The following ATG10 variants were observed in gnomAD, a reference collection of about 807,000 sequenced individuals.
The protein encoded by ATG10 is autophagy related 10.
ATG10 carries 30 observed loss-of-function variants against 32.1 expected under a neutral mutation model. That is an observed-to-expected ratio of 0.94 (90% confidence interval 0.70 to 1.27). ATG10 has a LOEUF of 1.27. Ranked by LOEUF, ATG10 falls within the 50% of genes most tolerant of loss-of-function variation. ATG10 has a pLI of 0.00. For missense variants in ATG10, 233 were observed against 262.3 expected (o/e 0.89, Z 0.77); for synonymous variants, 87 against 91.5 (o/e 0.95, Z 0.28).
chr5:82,157,318 A>G (rs1288707887), intron 3 of ATG10, among the ~76,000 whole-genome samples: 1 of 152,142 alleles, frequency 6.6e-6, no homozygotes, highest in East Asian at 1.9e-4. Flanking sequence ...TATCCTTGGG[A>G]TCATCTTATA....
chr5:82,167,558 C>T (rs1000920273), intron 4 of ATG10, among the ~76,000 whole-genome samples: 2 of 152,198 alleles, frequency 1.3e-5, no homozygotes, highest in Non-Finnish European at 2.9e-5. Context: ...ATTCTGTTGT[C>T]TCCAGGAGAC....
chr5:81,996,294 G>A (rs958277371), intron 2 of ATG10, among the ~76,000 whole-genome samples: 6 of 152,220 alleles, frequency 3.9e-5, no homozygotes, highest in Admixed American at 2.6e-4. Context: ...GTGCAGTGCA[G>A]TGGAGTGATC....
chr5:82,043,444 G>A (rs1206469330), intron 2 of ATG10, among the ~76,000 whole-genome samples: 1 of 152,142 alleles, frequency 6.6e-6, no homozygotes, highest in East Asian at 1.9e-4. Context: ...TTTCCCCATT[G>A]TCTTGGTTAT....
chr5:82,170,424 G>A (rs1743757558), intron 4 of ATG10, among the ~76,000 whole-genome samples: 1 of 152,146 alleles, frequency 6.6e-6, no homozygotes, highest in South Asian at 2.1e-4. Flanking sequence ...CAGTATTCGA[G>A]TCTATATGTT....
chr5:81,981,231 A>G (rs1457558570), intron 1 of ATG10, among the ~76,000 whole-genome samples: 1 of 152,188 alleles, frequency 6.6e-6, no homozygotes, highest in Non-Finnish European at 1.5e-5. Flanking sequence ...TTGTCTAGGG[A>G]TCATGCTAAT....
At chr5:82,121,565 T>C (rs1766040054) in intron 3 of ATG10, among the ~76,000 whole-genome samples, 1 of 152,190 alleles carries the variant, frequency 6.6e-6, no homozygotes, top group Non-Finnish European at 1.5e-5. Context: ...GATTCCAGCT[T>C]TTGCCCATTC....
At chr5:82,141,795 C>T (rs761245650) in intron 3 of ATG10, among the ~76,000 whole-genome samples, 39 of 151,790 alleles carry the variant, frequency 2.6e-4, no homozygotes, top group South Asian at 1.2e-3. Context: ...CTAGGGGTTG[C>T]AGTTACACAC....
At chr5:82,133,822 T>A (rs1766634721) in intron 3 of ATG10, among the ~76,000 whole-genome samples, 1 of 152,112 alleles carries the variant, frequency 6.6e-6, no homozygotes, top group South Asian at 2.1e-4. Flanking sequence ...GTATGGCCAT[T>A]TTCACGATAC....
At chr5:82,183,544 G>T (rs1469885266) in intron 5 of ATG10, among the ~76,000 whole-genome samples, 1 of 152,056 alleles carries the variant, frequency 6.6e-6, no homozygotes, top group Non-Finnish European at 1.5e-5. Flanking sequence ...TATGCCGTCG[G>T]GGGGACATTA....
intron 5 of ATG10, among the ~76,000 whole-genome samples, chr5:82,231,221 G>C (rs1266978717): frequency 6.6e-6 from 1 of 152,100 alleles, no homozygotes; most frequent in Non-Finnish European, 1.5e-5. Context: ...TACTGAACTA[G>C]ATCCAAACTA....
intron 3 of ATG10, among the ~76,000 whole-genome samples, chr5:82,156,852 C>T (rs941988169): frequency 2.0e-5 from 3 of 152,188 alleles, no homozygotes; most frequent in Non-Finnish European, 4.4e-5. Context: ...ATTACTATTT[C>T]CTCCTGCCAA....
chr5:82,151,327 C>T (rs567869712), intron 3 of ATG10, among the ~76,000 whole-genome samples: 7 of 152,280 alleles, frequency 4.6e-5, no homozygotes, highest in East Asian at 1.9e-4. Flanking sequence ...GCTGGTATTA[C>T]AGACATGAGT....
intron 1 of ATG10, among the ~76,000 whole-genome samples, chr5:81,983,252 C>A (rs1298523150): frequency 2.0e-5 from 3 of 150,442 alleles, no homozygotes; most frequent in Non-Finnish European, 4.5e-5. Flanking sequence ...CCCCCACCTC[C>A]CTCCTGGACG....
chr5:82,032,477 A>G (rs1009049009), intron 2 of ATG10, among the ~76,000 whole-genome samples: 1 of 152,126 alleles, frequency 6.6e-6, no homozygotes, highest in Non-Finnish European at 1.5e-5. Flanking sequence ...AAATCCATAA[A>G]CTTTTACTGT....
intron 3 of ATG10, among the ~76,000 whole-genome samples, chr5:82,088,600 A>G (rs1417081560): frequency 1.3e-5 from 2 of 152,222 alleles, no homozygotes; most frequent in Non-Finnish European, 2.9e-5. Context: ...CTCTTACCTC[A>G]TCCTAGTCCC....
At chr5:82,136,080 A>T (rs942260605) in intron 3 of ATG10, among the ~76,000 whole-genome samples, 3 of 151,944 alleles carry the variant, frequency 2.0e-5, no homozygotes, top group African/African-American at 7.3e-5. Flanking sequence ...TTGCTTGGTA[A>T]TTATTCTTCC....
intron 1 of ATG10, among the ~76,000 whole-genome samples, chr5:81,978,553 A>AT (rs1381963131): frequency 1.3e-5 from 2 of 152,132 alleles, no homozygotes; most frequent in Non-Finnish European, 2.9e-5. Context: ...GTGGTGGAAC[A>AT]TTTTTTCTTA....
chr5:82,100,379 G>T (rs79305689), intron 3 of ATG10, among the ~76,000 whole-genome samples: 1 of 151,862 alleles, frequency 6.6e-6, no homozygotes, highest in African/African-American at 2.4e-5. Context: ...CCATCCCCAC[G>T]TTTTCCCTGC....
chr5:82,211,695 CCTGGG>C (rs1236711298), intron 5 of ATG10, among the ~76,000 whole-genome samples: 1 of 152,212 alleles, frequency 6.6e-6, no homozygotes, highest in Non-Finnish European at 1.5e-5. Context: ...TCCTTTGGGG[CCTGGG>C]CTTAACCCAC....
Sources: gnomAD v4.1 joint callset for allele counts (sites outside exome capture counted in the v4.1 genomes callset) on GRCh38, gnomAD v4.1.1 for gene constraint, MANE v1.5 for transcripts, NCBI Gene and HGNC (gene_info 2026-07-23, HGNC 2026-07-21) for gene names.